Variants in MMS22L observed in about 807,000 individuals in gnomAD.
MMS22L encodes the protein MMS22 like, DNA repair protein, also known as protein MMS22-like.
MMS22L carries 74 observed loss-of-function variants against 159.1 expected under a neutral mutation model. The observed-to-expected ratio is 0.47, with a 90% CI of 0.39 to 0.56. The LOEUF (loss-of-function observed/expected upper bound fraction) is 0.56. Among genes scored for constraint, MMS22L ranks in the 20% least tolerant of loss-of-function variants. The probability of loss-of-function intolerance (pLI) is 0.00; values close to 1 mark genes in which losing one functional copy is unlikely to be tolerated. For synonymous variants in MMS22L, 517 were observed against 506.9 expected, an observed-to-expected ratio of 1.02 and a Z score of -0.27; for missense variants, 1,351 against 1,422.1, an observed-to-expected ratio of 0.95 and a Z score of 0.80.
At chr6:97,276,600 T>C (rs978707013) in intron 4 of MMS22L, among the ~76,000 whole-genome samples, 4 of 152,224 alleles carry the variant, frequency 2.6e-5, no homozygotes, top group African/African-American at 9.6e-5. Flanking sequence ...TCCAACCATA[T>C]GTAATTAATA....
At chr6:97,180,814 A>T (rs1280812606) in intron 16 of MMS22L, among the ~76,000 whole-genome samples, 1 of 152,192 alleles carries the variant, frequency 6.6e-6, no homozygotes, top group African/African-American at 2.4e-5. Flanking sequence ...GAACTCTCTT[A>T]CCTTACAACT....
rs1171206137 is a variant in MMS22L at position 97,174,779 on chromosome 6, GTAC to G, written c.2680-1560_2680-1558del. ...CTTCTTTCACTGAAAGACTGAAAGA[GTAC>G]TACAGAAGCTTTGAAATGAAAGCTT... On this transcript the variant is annotated intron_variant, in intron 18 of 24. Coordinates refer to ENST00000683635, the MANE Select transcript of MMS22L (RefSeq NM_001350599.2). Among the ~76,000 whole-genome samples the G allele has an allele frequency of 2.0e-5, 3 of 152,150 alleles. No individual in the cohort carries two copies. In the South Asian group the frequency reaches 6.2e-4, roughly 32 times the overall value.
At chr6:97,263,093 C>A (rs942317219) in intron 9 of MMS22L, among the ~76,000 whole-genome samples, 1 of 151,996 alleles carries the variant, frequency 6.6e-6, no homozygotes, top group East Asian at 1.9e-4. Flanking sequence ...AACAACAAAA[C>A]TTGAAAAAAA....
intron 16 of MMS22L, 42 bp downstream of exon 16, chr6:97,181,862 C>A: frequency 6.3e-7 from 1 of 1,581,348 alleles, no homozygotes; most frequent in Non-Finnish European, 8.6e-7. Context: ...TGATCTGTCA[C>A]AGGTTTGCAT....
intron 22 of MMS22L, among the ~76,000 whole-genome samples, chr6:97,157,949 T>C (rs1802032226): frequency 6.6e-6 from 1 of 152,338 alleles, no homozygotes; most frequent in East Asian, 1.9e-4. Context: ...TGTCTGGTCC[T>C]AGGCTTTTTT....
chr6:97,244,068 T>A (rs775228403), intron 11 of MMS22L, among the ~76,000 whole-genome samples: 2 of 152,210 alleles, frequency 1.3e-5, no homozygotes, highest in Non-Finnish European at 2.9e-5. Context: ...GAAGTTGTCA[T>A]GTGGACAGAC....
chr6:97,156,729 G>A (rs58956939), intron 22 of MMS22L, among the ~76,000 whole-genome samples: 11,544 of 152,164 alleles, frequency 0.076, 729 homozygotes, highest in African/African-American at 0.18. Flanking sequence ...TTCTAGTATC[G>A]TTTGAAGTCA....
intron 14 of MMS22L, among the ~76,000 whole-genome samples, chr6:97,191,849 C>T (rs17057490): frequency 0.1 from 15,285 of 152,114 alleles, 1,561 homozygotes; most frequent in African/African-American, 0.26. Flanking sequence ...AAGGTAATGG[C>T]ATTATCAGAA....
At chr6:97,216,230 G>A (rs1338467158) in intron 14 of MMS22L, among the ~76,000 whole-genome samples, 3 of 152,074 alleles carry the variant, frequency 2.0e-5, no homozygotes, top group Admixed American at 6.6e-5. Context: ...AAGATGGTGA[G>A]AATAGCTAGA....
At chr6:97,175,403 T>C (rs1404797115) in intron 18 of MMS22L, among the ~76,000 whole-genome samples, 1 of 152,216 alleles carries the variant, frequency 6.6e-6, no homozygotes, top group African/African-American at 2.4e-5. Context: ...CACATAACCA[T>C]GAGAATTCCT....
At chr6:97,179,701 G>T in intron 16 of MMS22L, 142 bp from the exon 17 acceptor site, 1 of 587,730 alleles carries the variant, frequency 1.7e-6, no homozygotes, top group Non-Finnish European at 2.7e-6. Flanking sequence ...ACGTAGGCAT[G>T]CATTGTTGAA....
At chr6:97,174,139 G>A (rs1803862736) in intron 18 of MMS22L, among the ~76,000 whole-genome samples, 1 of 151,808 alleles carries the variant, frequency 6.6e-6, no homozygotes. Flanking sequence ...TGTAGTCATA[G>A]TTACTTGGGA....
rs1226995124 is a variant in MMS22L at position 97,272,959 on chromosome 6, T to A, written c.428+16A>T. ...GAAATTCATGCAGTGATCAAAATAC[T>A]CATCTGATATCCTACCTGAAGATGA... is the stretch of plus-strand genomic sequence containing the variant. On this transcript the variant is annotated intron_variant, in intron 5 of 24. Transcript: ENST00000683635. 1 of 1,608,688 alleles carries A rather than the reference T, an allele frequency of 6.2e-7. No individual in the cohort carries two copies. The highest frequency in any genetic ancestry group is 8.5e-7 in the Non-Finnish European group (1 of 1,177,844).
chr6:97,261,560 T>C (rs1306059464), intron 9 of MMS22L: 1 of 152,214 alleles, frequency 6.6e-6, no homozygotes, highest in Non-Finnish European at 1.5e-5. Flanking sequence ...TAATTGTTTC[T>C]TTATGTTATG....
intron 14 of MMS22L, among the ~76,000 whole-genome samples, chr6:97,221,340 C>T (rs1159363873): frequency 6.6e-6 from 1 of 152,036 alleles, no homozygotes; most frequent in African/African-American, 2.4e-5. Flanking sequence ...GACCCAAATA[C>T]TAATTCCTAT....
intron 14 of MMS22L, among the ~76,000 whole-genome samples, chr6:97,226,293 A>G (rs968515109): frequency 1.3e-5 from 2 of 152,176 alleles, no homozygotes; most frequent in East Asian, 1.9e-4. Context: ...AAGATCATCT[A>G]TTTTGTGTTT....
intron 18 of MMS22L, among the ~76,000 whole-genome samples, chr6:97,177,445 C>G (rs751544372): frequency 6.6e-6 from 1 of 152,056 alleles, no homozygotes; most frequent in Non-Finnish European, 1.5e-5. Context: ...GAAGTTCTAG[C>G]ATAATATTAT....
intron 18 of MMS22L, among the ~76,000 whole-genome samples, chr6:97,173,500 A>G (rs1020890329): frequency 6.6e-6 from 1 of 151,294 alleles, no homozygotes; most frequent in Non-Finnish European, 1.5e-5. Flanking sequence ...AATATCAGTG[A>G]AAAAAAAATG....
intron 14 of MMS22L, among the ~76,000 whole-genome samples, chr6:97,194,183 G>C (rs888719685): frequency 4.6e-5 from 7 of 152,114 alleles, no homozygotes; most frequent in Admixed American, 3.3e-4. Flanking sequence ...TCAGCCTCCC[G>C]AGTAGCTGGA....
Sources: allele counts gnomAD v4.1 joint callset (sites outside exome capture counted in the v4.1 genomes callset), GRCh38; gene constraint gnomAD v4.1.1; transcripts MANE v1.5; gene names NCBI Gene and HGNC (gene_info 2026-07-23, HGNC 2026-07-21).